The following TSHZ2 variants were observed in gnomAD, a reference collection of about 807,000 sequenced individuals.
TSHZ2 encodes teashirt homolog 2.
TSHZ2 carries 21 observed loss-of-function variants against 74.4 expected under a neutral mutation model. The observed-to-expected ratio is 0.28, with a 90% CI of 0.20 to 0.41. The LOEUF is 0.41. Among genes scored for constraint, TSHZ2 ranks in the 10% least tolerant of loss-of-function variants. The pLI is 1.00. For missense variants in TSHZ2, 1,244 were observed against 1,293.5 expected, an observed-to-expected ratio of 0.96 and a Z score of 0.59; for synonymous variants, 540 against 515.3, an observed-to-expected ratio of 1.05 and a Z score of -0.65.
At chr20:53,295,244 G>T (rs935972126) in intron 2 of TSHZ2, among the ~76,000 whole-genome samples, 1 of 152,094 alleles carries the variant, frequency 6.6e-6, no homozygotes, top group Admixed American at 6.5e-5. Flanking sequence ...AAAAATTTGC[G>T]TTCTGTGGTC....
intron 1 of TSHZ2, among the ~76,000 whole-genome samples, chr20:53,086,432 T>C (rs1039853368): frequency 6.6e-6 from 1 of 152,078 alleles, no homozygotes; most frequent in African/African-American, 2.4e-5. Context: ...AGTCCATTTG[T>C]CTCTGATTGA....
At chr20:53,095,694 T>G (rs989191127) in intron 1 of TSHZ2, among the ~76,000 whole-genome samples, 1 of 152,180 alleles carries the variant, frequency 6.6e-6, no homozygotes, top group African/African-American at 2.4e-5. Context: ...TGGGGCTGTC[T>G]CGTGAACTGT....
intron 1 of TSHZ2, among the ~76,000 whole-genome samples, chr20:53,116,006 C>T (rs1229968802): frequency 1.3e-5 from 2 of 152,184 alleles, no homozygotes; most frequent in African/African-American, 4.8e-5. Flanking sequence ...GGAAACCAAG[C>T]TATCGTGAGA....
At chr20:53,282,318 A>G (rs1002210846) in intron 2 of TSHZ2, among the ~76,000 whole-genome samples, 2 of 152,246 alleles carry the variant, frequency 1.3e-5, no homozygotes, top group Admixed American at 6.5e-5. Context: ...GTGCAAATAT[A>G]CAGGAATCAC....
At chr20:53,108,915 C>T (rs1986454143) in intron 1 of TSHZ2, among the ~76,000 whole-genome samples, 2 of 152,178 alleles carry the variant, frequency 1.3e-5, no homozygotes, top group South Asian at 4.1e-4. Context: ...TCCTTCCCTG[C>T]AGTTTCTGAA....
At chr20:53,059,507 G>A (rs987234290) in intron 1 of TSHZ2, among the ~76,000 whole-genome samples, 13 of 152,102 alleles carry the variant, frequency 8.5e-5, no homozygotes, top group Admixed American at 3.9e-4. Context: ...AATCTGTATC[G>A]ATAACAGAGT....
chr20:53,132,390 C>T (rs12480734), intron 1 of TSHZ2, among the ~76,000 whole-genome samples: 5,228 of 151,284 alleles, frequency 0.035, 388 homozygotes, highest in East Asian at 0.31. Flanking sequence ...TGGCTCACTG[C>T]AACCTCAGCC....
At chr20:53,388,467 T>A (rs1435807845) in intron 2 of TSHZ2, among the ~76,000 whole-genome samples, 1 of 152,188 alleles carries the variant, frequency 6.6e-6, no homozygotes, top group Non-Finnish European at 1.5e-5. Flanking sequence ...TCTACTGTGA[T>A]GATACAACAC....
chr20:53,219,792 T>C (rs1291196485), intron 1 of TSHZ2, among the ~76,000 whole-genome samples: 1 of 152,220 alleles, frequency 6.6e-6, no homozygotes, highest in African/African-American at 2.4e-5. Flanking sequence ...ATCTGATTGG[T>C]GACACCTTTT....
chr20:53,483,443 C>T (rs1986212533), intron 2 of TSHZ2, among the ~76,000 whole-genome samples: 2 of 152,102 alleles, frequency 1.3e-5, no homozygotes, highest in Non-Finnish European at 2.9e-5. Context: ...CCCAGGAGAT[C>T]GAGGCTGCAG....
chr20:53,163,929 G>A (rs1326104650), intron 1 of TSHZ2, among the ~76,000 whole-genome samples: 1 of 152,020 alleles, frequency 6.6e-6, no homozygotes, highest in Non-Finnish European at 1.5e-5. Context: ...TTTTATTCTG[G>A]TTTTCTCCAT....
rs979330132 is a variant in TSHZ2, at chr20:53,341,833, C to T, written c.*8+85262C>T. ...TCAAGCGATTCTCCTGTCTCAGCCTCCCAAGTAGCTGGGATTACAGGCGTG... is the reference window on the plus strand; with the variant it reads ...TCAAGCGATTCTCCTGTCTCAGCCTTCCAAGTAGCTGGGATTACAGGCGTG... On this transcript the variant is annotated intron_variant, in intron 2 of 2. Transcript: ENST00000371497. 9.9e-5 allele frequency among the ~76,000 whole-genome samples: 15 copies of T among 152,190 alleles called. No homozygotes were observed. In the East Asian group the frequency reaches 1.7e-3, roughly 18 times the overall value.
At chr20:53,284,362 A>G (rs1991123221) in intron 2 of TSHZ2, among the ~76,000 whole-genome samples, 1 of 152,238 alleles carries the variant, frequency 6.6e-6, no homozygotes, top group African/African-American at 2.4e-5. Context: ...ATGCACATAA[A>G]TATGCTGGCA....
chr20:53,090,707 A>G (rs896641888), intron 1 of TSHZ2, among the ~76,000 whole-genome samples: 1 of 152,194 alleles, frequency 6.6e-6, no homozygotes, highest in Non-Finnish European at 1.5e-5. Context: ...GCATCTTAAG[A>G]TAACTCACAG....
At chr20:53,175,926 AG>A (rs1453341133) in intron 1 of TSHZ2, among the ~76,000 whole-genome samples, 1 of 152,176 alleles carries the variant, frequency 6.6e-6, no homozygotes, top group Non-Finnish European at 1.5e-5. Flanking sequence ...ATTCTCATGG[AG>A]ATTATTTGCT....
chr20:53,317,188 A>T (rs2145513684), intron 2 of TSHZ2, among the ~76,000 whole-genome samples: 1 of 152,334 alleles, frequency 6.6e-6, no homozygotes, highest in South Asian at 2.1e-4. Flanking sequence ...CGTGTAGTCC[A>T]GGCCACAGGA....
At chr20:53,446,044 C>A (rs972437855) in intron 2 of TSHZ2, among the ~76,000 whole-genome samples, 2 of 152,130 alleles carry the variant, frequency 1.3e-5, no homozygotes, top group Admixed American at 1.3e-4. Context: ...GTACTTTACC[C>A]GCTCTGTATT....
At chr20:53,165,197 A>G (rs548167961) in intron 1 of TSHZ2, among the ~76,000 whole-genome samples, 10 of 152,314 alleles carry the variant, frequency 6.6e-5, no homozygotes, top group Admixed American at 1.3e-4. Context: ...TTAAGTGTCA[A>G]AATTTGGACG....
intron 1 of TSHZ2, among the ~76,000 whole-genome samples, chr20:52,996,303 A>AG: frequency 7.0e-6 from 1 of 142,908 alleles, no homozygotes; most frequent in Admixed American, 7.2e-5. Context: ...CTTTCCTTTC[A>AG]GGTTTTTATT....
Sources: gnomAD v4.1 joint callset for allele counts (sites outside exome capture counted in the v4.1 genomes callset) on GRCh38, gnomAD v4.1.1 for gene constraint, MANE v1.5 for transcripts, NCBI Gene and HGNC (gene_info 2026-07-23, HGNC 2026-07-21) for gene names.